BEND5: variants seen among roughly 807,000 people sequenced by gnomAD.
BEND5 encodes BEN domain-containing protein 5.
BEND5 carries 22 observed loss-of-function variants against 43.9 expected under a neutral mutation model. That is an observed-to-expected ratio of 0.50 (90% CI 0.36 to 0.72). The LOEUF is 0.72. BEND5 is among the 30% of genes least tolerant of loss of function. The pLI is 0.00. For synonymous variants in BEND5, 228 were observed against 225.9 expected (o/e 1.01, Z -0.08); for missense variants, 428 against 550.6 (o/e 0.78, Z 2.23).
At chr1:48,729,981 G>C (rs1178853735) in intron 5 of BEND5, among the ~76,000 whole-genome samples, 1 of 152,038 alleles carries the variant, frequency 6.6e-6, no homozygotes, top group Non-Finnish European at 1.5e-5. Flanking sequence ...CCACCTGTCA[G>C]GGACCTTGCT....
At chr1:48,750,528 A>C (rs1449554790) in intron 3 of BEND5, among the ~76,000 whole-genome samples, 1 of 152,134 alleles carries the variant, frequency 6.6e-6, no homozygotes, top group Non-Finnish European at 1.5e-5. Flanking sequence ...ACATCCTGAG[A>C]GCTCGGGACC....
At chr1:48,731,246 C>A (rs1477909350) in intron 5 of BEND5, among the ~76,000 whole-genome samples, 3 of 151,676 alleles carry the variant, frequency 2.0e-5, no homozygotes, top group Admixed American at 1.3e-4. Flanking sequence ...GGATAGGAGA[C>A]AGATGTCAAA....
chr1:48,763,749 G>A (rs1379798102), intron 1 of BEND5, among the ~76,000 whole-genome samples: 2 of 152,192 alleles, frequency 1.3e-5, no homozygotes, highest in Admixed American at 1.3e-4. Flanking sequence ...ACATCTGGAT[G>A]GAGAATGAAC....
chr1:48,751,025 T>C (rs1016985600), intron 3 of BEND5, among the ~76,000 whole-genome samples: 8 of 152,212 alleles, frequency 5.3e-5, no homozygotes, highest in Non-Finnish European at 1.0e-4. Flanking sequence ...CACTGCTTCA[T>C]GATATAGCAT....
chr1:48,748,401 G>C (rs921751227), intron 3 of BEND5, among the ~76,000 whole-genome samples: 13 of 152,324 alleles, frequency 8.5e-5, no homozygotes, highest in African/African-American at 3.1e-4. Context: ...CCCTGTGCTA[G>C]GTGGAACTGA....
intron 4 of BEND5, among the ~76,000 whole-genome samples, chr1:48,740,492 G>A (rs1017633958): frequency 6.6e-6 from 1 of 152,294 alleles, no homozygotes; most frequent in Admixed American, 6.5e-5. Context: ...TTTAGACAAA[G>A]AAACACAATG....
intron 5 of BEND5, among the ~76,000 whole-genome samples, chr1:48,731,559 TGAAG>T (rs1157386620): frequency 6.6e-6 from 1 of 152,120 alleles, no homozygotes; most frequent in African/African-American, 2.4e-5. Flanking sequence ...GATGATTTCC[TGAAG>T]GAAGGCTCAC....
chr1:48,740,066 A>G (rs558753106), intron 4 of BEND5, among the ~76,000 whole-genome samples: 1 of 152,348 alleles, frequency 6.6e-6, no homozygotes, highest in South Asian at 2.1e-4. Context: ...TAATGTCTTT[A>G]TGGAACTGTT....
In BEND5 at chr1:48,742,761, A is replaced by C; in HGVS notation, c.756T>G (p.Ile252Met). 1 of 1,600,644 alleles carries C rather than the reference A, an allele frequency of 6.2e-7. No homozygotes were observed. Among genetic ancestry groups the C allele is most frequent in the East Asian group, 2.3e-5 (1 of 44,238 alleles). ...LLLRLGSGPAIDLEKVKSECL... is the reference protein window; with the variant it reads ...LLLRLGSGPAMDLEKVKSECL... ...ATTCTGACTTTACTTTTTCCAGATC[A>C]ATGGCGGGACCTAGGCAGTTAAGAA... is the stretch of plus-strand genomic sequence containing the variant. The change falls in exon 4 of 6, where the codon ATT (isoleucine) becomes ATG (methionine). Residue 252 changes from isoleucine (I) to methionine (M), a missense_variant. By Grantham distance (10) the Ile-to-Met change is conservative. Coordinates refer to ENST00000371833, the MANE Select transcript of BEND5 (RefSeq NM_024603.4).
At chr1:48,760,141 A>G (rs182359589) in intron 2 of BEND5, among the ~76,000 whole-genome samples, 58 of 152,330 alleles carry the variant, frequency 3.8e-4, no homozygotes, top group Non-Finnish European at 1.6e-4. Context: ...CAGTGGATAG[A>G]GAGAAGAAAG....
At position 48,736,375 on chromosome 1, in the gene BEND5, G is replaced by T; in HGVS notation, c.972C>A (p.Tyr324Ter). The change falls in exon 5 of 6, where the codon TAC becomes TAA. Residue 324 changes from tyrosine (Y) to a stop codon, truncating the protein, a stop_gained. Transcript: ENST00000371833. LOFTEE classifies it high-confidence loss of function. The surrounding 1 kb of genome is among the most constrained non-coding windows in gnomAD (Gnocchi z 4.0). Reference sequence around the variant, plus strand: ...AAATCATAACTGCCAAGTTCTTCGTGTACTTGGAATCTCCTTGGGTTACTT... The same window carrying T: ...AAATCATAACTGCCAAGTTCTTCGTTTACTTGGAATCTCCTTGGGTTACTT... ...QLQVTQGDSK[Y>*]TKNLAVMIWG... 6.2e-7 allele frequency: 1 copy of T among 1,614,044 alleles called. No individual in the cohort carries two copies. The highest frequency in any genetic ancestry group is 8.5e-7 in the Non-Finnish European group (1 of 1,180,028).
At chr1:48,769,526 A>ACACAC in intron 1 of BEND5, among the ~76,000 whole-genome samples, 1 of 130,312 alleles carries the variant, frequency 7.7e-6, no homozygotes, top group South Asian at 2.8e-4. Context: ...GAGGATTTAA[A>ACACAC]ACACACACAC....
chr1:48,735,175 A>G (rs908331252), intron 5 of BEND5, among the ~76,000 whole-genome samples: 3 of 152,256 alleles, frequency 2.0e-5, no homozygotes, highest in Non-Finnish European at 4.4e-5. Context: ...AACACAGTTA[A>G]GTGCCTAAAA....
chr1:48,765,359 C>T (rs1644478593), intron 1 of BEND5, among the ~76,000 whole-genome samples: 1 of 152,134 alleles, frequency 6.6e-6, no homozygotes, highest in African/African-American at 2.4e-5. Context: ...ATCAAAACTA[C>T]AAGGAGATAC....
chr1:48,768,656 A>G (rs1200005140), intron 1 of BEND5, among the ~76,000 whole-genome samples: 1 of 152,224 alleles, frequency 6.6e-6, no homozygotes, highest in East Asian at 1.9e-4. Context: ...TTTGACATAT[A>G]ATCAGGCTGG....
intron 2 of BEND5, 143 bp downstream of exon 2, chr1:48,761,194 C>T (rs765302501): frequency 2.8e-5 from 26 of 927,666 alleles, no homozygotes; most frequent in African/African-American, 1.5e-4. Flanking sequence ...AGTTGTCCCA[C>T]GCTTTCACTA....
At chr1:48,764,572 GT>G (rs1251400668) in intron 1 of BEND5, among the ~76,000 whole-genome samples, 1 of 152,168 alleles carries the variant, frequency 6.6e-6, no homozygotes, top group Non-Finnish European at 1.5e-5. Flanking sequence ...AGAAAAGGTG[GT>G]TGGAACTAGA....
intron 4 of BEND5, among the ~76,000 whole-genome samples, chr1:48,738,212 T>C (rs1274818923): frequency 2.0e-5 from 3 of 152,158 alleles, no homozygotes; most frequent in Non-Finnish European, 2.9e-5. Flanking sequence ...AAAATAGCAA[T>C]GCAGCCCACC....
intron 2 of BEND5, 49 bp downstream of exon 2, chr1:48,761,288 A>G: frequency 1.3e-6 from 2 of 1,511,992 alleles, no homozygotes; most frequent in Non-Finnish European, 1.8e-6. Flanking sequence ...GCTACGAGAT[A>G]TCTGAAAATG....
Sources: allele counts gnomAD v4.1 joint callset (sites outside exome capture counted in the v4.1 genomes callset), GRCh38; gene constraint gnomAD v4.1.1; non-coding constraint Gnocchi (gnomAD v3.1); transcripts MANE v1.5; gene names NCBI Gene and HGNC (gene_info 2026-07-23, HGNC 2026-07-21).